Variants in PLPPR1 observed in about 807,000 individuals in gnomAD.
The protein encoded by PLPPR1 is phospholipid phosphatase related 1, also known as phospholipid phosphatase-related protein type 1.
Under a neutral mutation model 33.1 loss-of-function variants are expected in PLPPR1, and 10 were observed. The ratio of observed to expected loss-of-function variants is 0.30; its 90% CI spans 0.19 to 0.51. The LOEUF (loss-of-function observed/expected upper bound fraction) is 0.51. PLPPR1 is among the 20% of genes least tolerant of loss of function. The pLI is 0.97. For synonymous variants in PLPPR1, 151 were observed against 151.0 expected, an observed-to-expected ratio of 1.00 and a Z score of 0.00; for missense variants, 304 against 408.1, an observed-to-expected ratio of 0.74 and a Z score of 2.20.
chr9:101,319,193 CT>C (rs1564038072), intron 7 of PLPPR1, among the ~76,000 whole-genome samples: 4 of 152,060 alleles, frequency 2.6e-5, no homozygotes, highest in East Asian at 1.9e-4. Flanking sequence ...TTTTCCCCCG[CT>C]GAGATGGAGT....
intron 1 of PLPPR1, among the ~76,000 whole-genome samples, chr9:101,174,134 G>A (rs1825985731): frequency 1.3e-5 from 2 of 152,062 alleles, no homozygotes; most frequent in African/African-American, 4.8e-5. Flanking sequence ...TCTAGCCTGG[G>A]CAACAGAGTG....
In PLPPR1 at chr9:101,106,531, T is replaced by C. The variant is rs1197387213; in HGVS notation, c.-46+77429T>C. On this transcript the variant is annotated intron_variant, in intron 1 of 7. Transcript: ENST00000374874. ...GCCGAGAGATCCGCTGTTAGTCTGA[T>C]GGGCTTTCCTTTGAGGGTAACCCGA... 1.6e-4 allele frequency among the ~76,000 whole-genome samples: 18 copies of C among 110,174 alleles called. 1 individual carries two copies. Among genetic ancestry groups the C allele is most frequent in the Non-Finnish European group, 3.0e-4 (17 of 56,222 alleles). The allele number at this position is 110,174 out of a possible 152,430, so 72.3% of individuals were successfully genotyped here.
At chr9:101,230,025 C>G (rs996091959) in intron 2 of PLPPR1, among the ~76,000 whole-genome samples, 12 of 152,120 alleles carry the variant, frequency 7.9e-5, no homozygotes, top group Non-Finnish European at 1.8e-4. Flanking sequence ...CTCCATGTCA[C>G]ACTGTCAGAG....
intron 2 of PLPPR1, among the ~76,000 whole-genome samples, chr9:101,190,127 G>A (rs568172884): frequency 1.1e-4 from 17 of 152,192 alleles, no homozygotes; most frequent in African/African-American, 2.9e-4. Flanking sequence ...CAAACGTATC[G>A]TCAAAGTTGA....
At chr9:101,195,219 T>C (rs1826374784) in intron 2 of PLPPR1, among the ~76,000 whole-genome samples, 1 of 152,114 alleles carries the variant, frequency 6.6e-6, no homozygotes, top group African/African-American at 2.4e-5. Context: ...TCCACTCACA[T>C]TTCGTTAGCC....
chr9:101,320,487 A>C (rs140471676), intron 7 of PLPPR1, among the ~76,000 whole-genome samples: 1 of 152,348 alleles, frequency 6.6e-6, no homozygotes, highest in African/African-American at 2.4e-5. Flanking sequence ...AAGAACCTCA[A>C]ATTTGACCAT....
intron 1 of PLPPR1, among the ~76,000 whole-genome samples, chr9:101,136,842 T>C (rs1831383705): frequency 6.6e-6 from 1 of 152,090 alleles, no homozygotes; most frequent in Non-Finnish European, 1.5e-5. Context: ...GTGAGAGATG[T>C]GGGAATGGTT....
intron 1 of PLPPR1, among the ~76,000 whole-genome samples, chr9:101,055,609 T>C (rs1830270466): frequency 6.6e-6 from 1 of 152,250 alleles, no homozygotes; most frequent in South Asian, 2.1e-4. Context: ...TGGCCCTTAG[T>C]ATTCTGCTTT....
intron 4 of PLPPR1, among the ~76,000 whole-genome samples, chr9:101,308,564 T>C (rs1436875274): frequency 6.6e-6 from 1 of 152,212 alleles, no homozygotes; most frequent in Non-Finnish European, 1.5e-5. Context: ...GTCAACAACA[T>C]TTGTTTTTAA....
intron 1 of PLPPR1, among the ~76,000 whole-genome samples, chr9:101,120,795 G>A (rs1483682566): frequency 2.0e-5 from 3 of 152,158 alleles, no homozygotes; most frequent in Admixed American, 2.0e-4. Flanking sequence ...GGCCCTATGA[G>A]GGCCTTCCTA....
chr9:101,097,153 C>T (rs896387414), intron 1 of PLPPR1, among the ~76,000 whole-genome samples: 1 of 152,146 alleles, frequency 6.6e-6, no homozygotes, highest in African/African-American at 2.4e-5. Flanking sequence ...ATCATCTGCA[C>T]AACTTGCACA....
intron 5 of PLPPR1, among the ~76,000 whole-genome samples, chr9:101,310,930 C>T (rs1828942895): frequency 6.6e-6 from 1 of 152,140 alleles, no homozygotes; most frequent in Admixed American, 6.5e-5. Context: ...AGTTAAATGT[C>T]TTTGCTTTAT....
chr9:101,055,639 A>G (rs1830270834), intron 1 of PLPPR1, among the ~76,000 whole-genome samples: 1 of 152,212 alleles, frequency 6.6e-6, no homozygotes, highest in Non-Finnish European at 1.5e-5. Flanking sequence ...AAAATCACTT[A>G]CAGATATTTT....
At chr9:101,071,956 A>T (rs1241439922) in intron 1 of PLPPR1, among the ~76,000 whole-genome samples, 1 of 152,138 alleles carries the variant, frequency 6.6e-6, no homozygotes, top group Non-Finnish European at 1.5e-5. Context: ...GAATAGAAAT[A>T]CAGCAACTGT....
intron 1 of PLPPR1, among the ~76,000 whole-genome samples, chr9:101,159,983 G>A (rs1032613507): frequency 6.6e-6 from 1 of 152,114 alleles, no homozygotes; most frequent in Admixed American, 6.6e-5. Flanking sequence ...AGAACAAAAT[G>A]TACTAAGAAA....
intron 1 of PLPPR1, among the ~76,000 whole-genome samples, chr9:101,039,229 T>C (rs1243207769): frequency 6.6e-6 from 1 of 152,174 alleles, no homozygotes; most frequent in Non-Finnish European, 1.5e-5. Flanking sequence ...GGAGCTAGGT[T>C]CTAGGCTGAG....
chr9:101,241,595 G>C (rs1827466515), intron 2 of PLPPR1, among the ~76,000 whole-genome samples: 3 of 152,078 alleles, frequency 2.0e-5, no homozygotes, highest in Admixed American at 1.3e-4. Context: ...GGACACCTAA[G>C]AATGTGGCGT....
intron 1 of PLPPR1, among the ~76,000 whole-genome samples, chr9:101,100,143 A>T (rs747872839): frequency 7.9e-5 from 12 of 151,470 alleles, no homozygotes; most frequent in Non-Finnish European, 1.5e-4. Context: ...TGAAACATGA[A>T]ATTTACAAAA....
intron 2 of PLPPR1, among the ~76,000 whole-genome samples, chr9:101,192,203 C>T (rs1442871053): frequency 6.6e-6 from 1 of 152,156 alleles, no homozygotes; most frequent in Non-Finnish European, 1.5e-5. Flanking sequence ...CCTTTACTTG[C>T]AGGTGCCCAA....
Sources: gnomAD v4.1 joint callset for allele counts (sites outside exome capture counted in the v4.1 genomes callset) on GRCh38, gnomAD v4.1.1 for gene constraint, MANE v1.5 for transcripts, NCBI Gene and HGNC (gene_info 2026-07-23, HGNC 2026-07-21) for gene names.